The following KIF18A variants were observed in gnomAD, a reference collection of about 807,000 sequenced individuals.
KIF18A encodes kinesin family member 18A.
In KIF18A, 67 loss-of-function variants were observed where a neutral mutation model predicts 103.3. The ratio of observed to expected loss-of-function variants is 0.65; its 90% CI spans 0.53 to 0.79. The LOEUF (loss-of-function observed/expected upper bound fraction) is 0.79. Among genes scored for constraint, KIF18A ranks in the 30% least tolerant of loss-of-function variants. KIF18A has a pLI of 0.00. For synonymous variants in KIF18A, 367 were observed against 355.5 expected (o/e 1.03, Z -0.36); for missense variants, 1,032 against 1,062.5 (o/e 0.97, Z 0.40).
chr11:28,083,037 G>A, intron 8 of KIF18A, 69 bp from the exon 9 acceptor site: 1 of 1,445,562 alleles, frequency 6.9e-7, no homozygotes. Flanking sequence ...AAATTTAGCT[G>A]TAAAAAATAA....
chr11:28,107,236 C>T (rs1453169466), intron 1 of KIF18A, among the ~76,000 whole-genome samples: 1 of 152,016 alleles, frequency 6.6e-6, no homozygotes, highest in Non-Finnish European at 1.5e-5. Context: ...TGTAGAGTGC[C>T]TAAATTTCTA....
At chr11:28,094,869 T>C in intron 2 of KIF18A, 69 bp from the exon 3 acceptor site, 4 of 1,415,160 alleles carry the variant, frequency 2.8e-6, no homozygotes, top group Non-Finnish European at 3.0e-6. Context: ...TACTATCTAG[T>C]GGATAGTTCC....
At chr11:28,021,414 T>C (rs1565066201) in intron 16 of KIF18A, 132 bp from the exon 17 acceptor site, 1 of 773,994 alleles carries the variant, frequency 1.3e-6, no homozygotes, top group Non-Finnish European at 1.8e-6. Context: ...TTAGTTAACA[T>C]AATTTAAAAT....
At chr11:28,031,273 T>G (rs949578536) in intron 15 of KIF18A, among the ~76,000 whole-genome samples, 8 of 152,012 alleles carry the variant, frequency 5.3e-5, no homozygotes, top group Admixed American at 6.6e-5. Flanking sequence ...CAAAGACTTG[T>G]ACCCAATCCA....
At chr11:28,050,833 T>C (rs1000214779) in intron 13 of KIF18A, among the ~76,000 whole-genome samples, 6 of 151,864 alleles carry the variant, frequency 4.0e-5, no homozygotes, top group African/African-American at 1.2e-4. Flanking sequence ...AATACACTTG[T>C]AGTTTGAAGG....
At position 28,025,103 on chromosome 11, in the gene KIF18A, G is replaced by A. The variant is rs538145079; in HGVS notation, c.2505-1253C>T. The stretch of plus-strand genomic sequence containing the variant: ...TAAAATATCTTATTGTTCTACAATC[G>A]CCTGTTTTTGAACTGCGGTTGACCA... On this transcript the variant is annotated intron_variant, in intron 15 of 16. Coordinates refer to ENST00000263181, the MANE Select transcript of KIF18A (RefSeq NM_031217.4). Among the ~76,000 whole-genome samples the A allele has an allele frequency of 2.3e-4, 35 of 152,042 alleles. No individual in the cohort carries two copies. The East Asian group carries it at 2.3e-3, about 10-fold the overall frequency.
chr11:28,073,614 A>G (rs1236825765), intron 10 of KIF18A, among the ~76,000 whole-genome samples: 2 of 152,152 alleles, frequency 1.3e-5, no homozygotes, highest in Non-Finnish European at 2.9e-5. Context: ...GATCTATCTC[A>G]TAGGCTTGTT....
intron 15 of KIF18A, among the ~76,000 whole-genome samples, chr11:28,033,335 C>G (rs1004867437): frequency 6.6e-6 from 1 of 151,346 alleles, no homozygotes; most frequent in African/African-American, 2.4e-5. Flanking sequence ...TGCTACCATA[C>G]GATCCAGCAA....
chr11:28,090,851 T>C (rs564295508), intron 4 of KIF18A, 124 bp from the exon 5 acceptor site: 115 of 607,262 alleles, frequency 1.9e-4, no homozygotes, highest in African/African-American at 1.7e-3. Flanking sequence ...AATTCAATCC[T>C]ATTAAATACT....
intron 15 of KIF18A, among the ~76,000 whole-genome samples, chr11:28,024,808 A>T (rs1165669708): frequency 6.6e-6 from 1 of 151,988 alleles, no homozygotes; most frequent in Non-Finnish European, 1.5e-5. Flanking sequence ...GCTGATTCAA[A>T]CAACCTAAGC....
chr11:28,104,272 G>A (rs1394983693), intron 1 of KIF18A, among the ~76,000 whole-genome samples: 1 of 152,104 alleles, frequency 6.6e-6, no homozygotes, highest in Non-Finnish European at 1.5e-5. Context: ...CTCATCATAA[G>A]AATAAAATAC....
At chr11:28,071,884 T>A (rs1417948947) in intron 10 of KIF18A, among the ~76,000 whole-genome samples, 2 of 152,202 alleles carry the variant, frequency 1.3e-5, no homozygotes, top group Non-Finnish European at 2.9e-5. Context: ...TTATTTTGCT[T>A]TAGCATTTAC....
chr11:28,096,173 CAAA>C (rs1156735166), intron 2 of KIF18A, among the ~76,000 whole-genome samples: 69 of 49,690 alleles, frequency 1.4e-3, no homozygotes, highest in Non-Finnish European at 2.2e-3. Flanking sequence ...AAGACTTCAT[CAAA>C]AAAAAAAAAA....
At position 28,035,485 on chromosome 11, in the gene KIF18A, A is replaced by G. The variant is rs1032389313; in HGVS notation, c.2406T>C (p.Pro802=). 5.0e-6 allele frequency: 8 copies of G among 1,586,892 alleles called. No homozygotes were observed. Among genetic ancestry groups the G allele is most frequent in the Non-Finnish European group, 6.9e-6 (8 of 1,163,518 alleles). Residue 802 remains proline (P), a synonymous_variant, in exon 15 of 17, where the codon CCT becomes CCC. Coordinates refer to ENST00000263181, the MANE Select transcript of KIF18A (RefSeq NM_031217.4). ...DNKDILQRLD[P]SSFSTKHSMP... is the part of the protein sequence containing the mutation. ...TAGAATGCTTAGTTGAGAATGAAGA[A>G]GGATCAAGCCTGTATATTAATAGTG... is the stretch of plus-strand genomic sequence containing the variant.
In KIF18A at chr11:28,094,626, C is replaced by G. The variant is rs3947649; in HGVS notation, c.483+17G>C. On this transcript the variant is annotated intron_variant, in intron 3 of 16. Transcript: ENST00000263181. ...TGATTTCCCAAAACTATTGATTAAT[C>G]TAAATTCCCAACTTACCTCCAGATA... 1 of 1,578,622 alleles carries G rather than the reference C, an allele frequency of 6.3e-7. No homozygotes were observed. Among genetic ancestry groups the G allele is most frequent in the Non-Finnish European group, 8.7e-7 (1 of 1,150,488 alleles).
chr11:28,056,866 T>C (rs1850787828), intron 13 of KIF18A: 2 of 279,144 alleles, frequency 7.2e-6, no homozygotes, highest in African/African-American at 2.4e-5. Context: ...TTGAGCCAAA[T>C]GTCCCAGCAC....
chr11:28,022,892 C>T (rs750097821), intron 16 of KIF18A, among the ~76,000 whole-genome samples: 13 of 151,908 alleles, frequency 8.6e-5, no homozygotes, highest in Non-Finnish European at 1.0e-4. Context: ...CAAAGGGCAT[C>T]GACAGAAAAA....
chr11:28,057,386 G>A (rs1169935012), intron 13 of KIF18A, among the ~76,000 whole-genome samples: 2 of 152,096 alleles, frequency 1.3e-5, no homozygotes, highest in African/African-American at 4.8e-5. Flanking sequence ...ATGATGGCGG[G>A]CACCTGTAGT....
chr11:28,091,107 C>T (rs987414110), intron 4 of KIF18A, among the ~76,000 whole-genome samples: 3 of 151,068 alleles, frequency 2.0e-5, no homozygotes, highest in Non-Finnish European at 4.4e-5. Flanking sequence ...ATTAGCCAGT[C>T]TCATAGCCCG....
Sources: gnomAD v4.1 joint callset for allele counts (sites outside exome capture counted in the v4.1 genomes callset) on GRCh38, gnomAD v4.1.1 for gene constraint, MANE v1.5 for transcripts, NCBI Gene and HGNC (gene_info 2026-07-23, HGNC 2026-07-21) for gene names.